The following PLD5 variants were observed in gnomAD, a reference collection of about 807,000 sequenced individuals.
The protein encoded by PLD5 is inactive phospholipase D5.
A neutral mutation model predicts 61.1 loss-of-function variants in PLD5; 36 were observed. That is an observed-to-expected ratio of 0.59 (90% CI 0.45 to 0.78). PLD5 has a LOEUF of 0.78. PLD5 is among the 30% of genes least tolerant of loss of function. The pLI, the probability that PLD5 is intolerant of heterozygous loss-of-function variation, is 0.00. For synonymous variants in PLD5, 243 were observed against 242.8 expected, an observed-to-expected ratio of 1.00 and a Z score of -0.01; for missense variants, 515 against 644.4, an observed-to-expected ratio of 0.80 and a Z score of 2.17.
rs542530109 is a variant in PLD5 at position 242,088,799 on chromosome 1, A to T, written c.*1055T>A. 1 of 152,454 alleles carries T rather than the reference A, an allele frequency of 6.6e-6. No homozygotes were observed. Among genetic ancestry groups the T allele is most frequent in the East Asian group, 1.9e-4 (1 of 5,192 alleles). 9.4% of individuals were successfully genotyped at this position (152,454 alleles called of 1,614,324 possible). A position where few individuals can be genotyped will look rare whatever the true frequency, so the allele number is the denominator to read the frequency against. On this transcript the variant is annotated 3_prime_UTR_variant, in exon 10 of 10. Transcript: ENST00000536534. ...GTAAAATATGTTAAGCACAGTATTT[A>T]AATTGCATTTCTCTGAAAAGCATTT...
chr1:242,453,146 G>T (rs960561229), intron 1 of PLD5, among the ~76,000 whole-genome samples: 3 of 152,166 alleles, frequency 2.0e-5, no homozygotes, highest in African/African-American at 7.2e-5. Flanking sequence ...CAAGAGAGAG[G>T]AGCCCTCATG....
At chr1:242,158,503 G>T (rs1665569583) in intron 5 of PLD5, among the ~76,000 whole-genome samples, 1 of 152,146 alleles carries the variant, frequency 6.6e-6, no homozygotes, top group African/African-American at 2.4e-5. Context: ...GAAAACCACA[G>T]TATCTGGGCC....
At chr1:242,384,316 T>G (rs1395004096) in intron 1 of PLD5, among the ~76,000 whole-genome samples, 1 of 152,232 alleles carries the variant, frequency 6.6e-6, no homozygotes, top group Non-Finnish European at 1.5e-5. Flanking sequence ...TGTTGCTGGC[T>G]ACAGCCACTT....
chr1:242,112,841 A>G (rs74153346), intron 7 of PLD5, among the ~76,000 whole-genome samples: 1,607 of 152,300 alleles, frequency 0.011, 31 homozygotes, highest in African/African-American at 0.037. Flanking sequence ...TAATTATTCA[A>G]GCACCTCTGC....
At position 242,323,258 on chromosome 1, in the gene PLD5, G is replaced by A. The variant is rs1470838690; in HGVS notation, c.326+24848C>T. The stretch of plus-strand genomic sequence containing the variant: ...TGATATTTGTATCATAAAATTATGA[G>A]CTTTGTGATTAATGGAAATATAAAA... On this transcript the variant is annotated intron_variant, in intron 2 of 9. Transcript: ENST00000536534. Among the ~76,000 whole-genome samples, 3 of 152,222 alleles carry A rather than the reference G, an allele frequency of 2.0e-5. No homozygotes were observed. The East Asian group carries it at 5.8e-4, about 29-fold the overall frequency.
intron 1 of PLD5, among the ~76,000 whole-genome samples, chr1:242,394,085 T>C (rs949378429): frequency 7.2e-6 from 1 of 139,834 alleles, no homozygotes; most frequent in East Asian, 2.0e-4. Flanking sequence ...TATATGAGTA[T>C]ATATATGTAT....
intron 5 of PLD5, among the ~76,000 whole-genome samples, chr1:242,218,370 A>G (rs1027958046): frequency 1.3e-5 from 2 of 152,242 alleles, no homozygotes; most frequent in Non-Finnish European, 2.9e-5. Flanking sequence ...TGGGAATCCA[A>G]AAAAATTGTG....
At chr1:242,113,811 G>T in intron 7 of PLD5, 79 bp downstream of exon 7, 1 of 1,474,256 alleles carries the variant, frequency 6.8e-7, no homozygotes, top group Non-Finnish European at 9.1e-7. Context: ...CCATTTCCAG[G>T]CTGGCTTCTC....
intron 4 of PLD5, among the ~76,000 whole-genome samples, chr1:242,247,072 C>T (rs867529354): frequency 7.7e-4 from 117 of 151,836 alleles, no homozygotes; most frequent in Middle Eastern, 3.4e-3. Flanking sequence ...CAAGCTCCGC[C>T]TCCCGGGTTC....
intron 1 of PLD5, among the ~76,000 whole-genome samples, chr1:242,358,713 G>A (rs1660896680): frequency 6.6e-6 from 1 of 152,154 alleles, no homozygotes; most frequent in Non-Finnish European, 1.5e-5. Context: ...AAGTTAATTG[G>A]ATTGTGATGA....
At chr1:242,342,729 C>G (rs555248235) in intron 2 of PLD5, among the ~76,000 whole-genome samples, 1 of 138,856 alleles carries the variant, frequency 7.2e-6, no homozygotes, top group African/African-American at 2.7e-5. Context: ...GTGGAAGTGC[C>G]CAGAAATCCA....
chr1:242,194,566 A>C (rs1032025838), intron 5 of PLD5, among the ~76,000 whole-genome samples: 1 of 123,980 alleles, frequency 8.1e-6, no homozygotes, highest in East Asian at 2.2e-4. Context: ...AGCTATCTCT[A>C]TATCTATCTA....
chr1:242,422,844 CTCTTTTT>C (rs1419318504), intron 1 of PLD5, among the ~76,000 whole-genome samples: 9 of 94,858 alleles, frequency 9.5e-5, no homozygotes, highest in African/African-American at 4.3e-4. Context: ...CCGTATTTCT[CTCTTTTT>C]TTTTTTTTTT....
intron 5 of PLD5, among the ~76,000 whole-genome samples, chr1:242,134,218 A>G (rs1166748660): frequency 6.6e-6 from 1 of 152,156 alleles, no homozygotes; most frequent in African/African-American, 2.4e-5. Flanking sequence ...GCTTGTTTTT[A>G]TTTAGGAAGA....
At chr1:242,492,359 A>AC (rs1668186071) in intron 1 of PLD5, among the ~76,000 whole-genome samples, 1 of 151,860 alleles carries the variant, frequency 6.6e-6, no homozygotes, top group African/African-American at 2.4e-5. Flanking sequence ...TAAAAAAAAA[A>AC]CAAATACTAA....
chr1:242,100,713 AC>A lies in PLD5; in HGVS notation c.1308del (p.Arg436SerfsTer2). On this transcript the variant is annotated frameshift_variant, in exon 9 of 10. Transcript: ENST00000536534. LOFTEE classifies it high-confidence loss of function. ...GTCACCATGTACTTGTTGCGATTTA[AC>A]CTAGGAAAGGTGTGATTCTTTTGTT... ...TKEQKNHTFP[R>X]LNRNKYMVTD... 6.2e-7 allele frequency: 1 copy of A among 1,614,018 alleles called. No homozygotes were observed. The highest frequency in any genetic ancestry group is 8.5e-7 in the Non-Finnish European group (1 of 1,179,994).
rs994578931 is a variant in PLD5, at chr1:242,083,624, G to T, written c.*6230C>A. 1.3e-5 allele frequency: 2 copies of T among 152,128 alleles called. No individual in the cohort carries two copies. Among genetic ancestry groups the T allele is most frequent in the African/African-American group, 4.8e-5 (2 of 41,422 alleles). 9.4% of individuals were successfully genotyped at this position (152,128 alleles called of 1,614,324 possible). On this transcript the variant is annotated 3_prime_UTR_variant, in exon 10 of 10. Transcript: ENST00000536534. ...ACCATAACTTTGCTGAAAATATGGT[G>T]TTGCCTTCTTGTTATTACATTTTCT...
At chr1:242,263,240 T>C (rs1673473902) in intron 4 of PLD5, among the ~76,000 whole-genome samples, 1 of 151,930 alleles carries the variant, frequency 6.6e-6, no homozygotes, top group African/African-American at 2.4e-5. Flanking sequence ...GATTAGTTTC[T>C]ATATTCAGTA....
At chr1:242,257,081 T>TATCTATCA (rs1307452591) in intron 4 of PLD5, among the ~76,000 whole-genome samples, 12 of 150,638 alleles carry the variant, frequency 8.0e-5, no homozygotes, top group Admixed American at 4.6e-4. Flanking sequence ...TCTATCTATC[T>TATCTATCA]ATCATTTATC....
Sources: gnomAD v4.1 joint callset for allele counts (sites outside exome capture counted in the v4.1 genomes callset) on GRCh38, gnomAD v4.1.1 for gene constraint, MANE v1.5 for transcripts, NCBI Gene and HGNC (gene_info 2026-07-23, HGNC 2026-07-21) for gene names.